The following TCF7 variants were observed in gnomAD, a reference collection of about 807,000 sequenced individuals.
TCF7 encodes the protein T-cell-factor-7.
In TCF7, 19 loss-of-function variants were observed where a neutral mutation model predicts 46.8. The observed-to-expected ratio is 0.41, with a 90% confidence interval of 0.28 to 0.60. The LOEUF (loss-of-function observed/expected upper bound fraction) is 0.60, where lower values mean the gene tolerates loss of function less well. Ranked by LOEUF, TCF7 falls within the 20% of genes least tolerant of loss-of-function variation. TCF7 has a pLI of 0.35. For missense variants in TCF7, 547 were observed against 504.6 expected (o/e 1.08, Z -0.81); for synonymous variants, 245 against 213.4 (o/e 1.15, Z -1.29).
chr5:134,138,781 G>T, intron 4 of TCF7, 170 bp from the exon 5 acceptor site: 1 of 1,085,534 alleles, frequency 9.2e-7, no homozygotes. Flanking sequence ...GTCTGTCAAA[G>T]GGGCACTATT....
rs149228338 is a variant in TCF7 at position 134,147,260 on chromosome 5, G to A, written c.*957G>A. On this transcript the variant is annotated 3_prime_UTR_variant, in exon 10 of 10. Transcript: ENST00000342854. Reference sequence around the variant, plus strand: ...GAAGTGTTCCCTGAGAAACCCACCAGCCTAAGAAGCTCTGGCCCCAGGCTT... The same window carrying A: ...GAAGTGTTCCCTGAGAAACCCACCAACCTAAGAAGCTCTGGCCCCAGGCTT... 1 of 152,202 alleles carries A rather than the reference G, an allele frequency of 6.6e-6. No individual in the cohort carries two copies. The highest frequency in any genetic ancestry group is 2.4e-5 in the African/African-American group (1 of 41,366). 9.4% of individuals were successfully genotyped at this position (152,202 alleles called of 1,614,324 possible). A position where few individuals can be genotyped will look rare whatever the true frequency, so the allele number is the denominator to read the frequency against.
intron 5 of TCF7, 78 bp downstream of exon 5, chr5:134,139,116 C>T: frequency 1.9e-6 from 3 of 1,560,866 alleles, no homozygotes; most frequent in Non-Finnish European, 2.6e-6. Context: ...TTTCCTCCTC[C>T]ATCCCTCTTG....
chr5:134,113,892 C>T (rs962672574), upstream of TCF7, among the ~76,000 whole-genome samples: 5 of 152,204 alleles, frequency 3.3e-5, no homozygotes, highest in Non-Finnish European at 1.5e-5. Context: ...CGACCCATGT[C>T]GGAATCCCGC....
intron 3 of TCF7, among the ~76,000 whole-genome samples, chr5:134,128,876 T>C (rs1287965458): frequency 1.3e-5 from 2 of 152,160 alleles, no homozygotes; most frequent in Non-Finnish European, 2.9e-5. Context: ...TTTTGGTCAT[T>C]TATGACTGAG....
Position 134,115,401 on chromosome 5 carries a change from C to G in TCF7, c.316+14C>G, listed in dbSNP as rs202240983. 16 of 1,592,588 alleles carry G rather than the reference C, an allele frequency of 1.0e-5. No homozygotes were observed. The highest frequency in any genetic ancestry group is 1.4e-5 in the Non-Finnish European group (16 of 1,170,320). The stretch of plus-strand genomic sequence containing the variant: ...CCCTGGAGGACGGTGAGTTTCTGCC[C>G]GGCCCGGCTTCCCTTCGTCGCGCTC... On this transcript the variant is annotated intron_variant, in intron 2 of 9. Coordinates refer to ENST00000342854, the MANE Select transcript of TCF7 (RefSeq NM_003202.5).
intron 3 of TCF7, among the ~76,000 whole-genome samples, chr5:134,124,830 G>A (rs529019688): frequency 6.6e-6 from 1 of 152,158 alleles, no homozygotes; most frequent in South Asian, 2.1e-4. Flanking sequence ...GACTTTGGGG[G>A]TTTACACGGT....
chr5:134,143,294 A>G, intron 8 of TCF7, 194 bp downstream of exon 8: 3 of 754,174 alleles, frequency 4.0e-6, no homozygotes, highest in Non-Finnish European at 7.1e-6. Flanking sequence ...ACTCCAGAAT[A>G]TGCTCACACA....
chr5:134,130,739 T>G (rs1439352970), intron 3 of TCF7, among the ~76,000 whole-genome samples: 1 of 152,192 alleles, frequency 6.6e-6, no homozygotes, highest in African/African-American at 2.4e-5. Context: ...CTAACCTGTA[T>G]GCTGCAGTGA....
intron 9 of TCF7, chr5:134,145,956 T>G (rs533880033): frequency 8.1e-6 from 12 of 1,478,562 alleles, no homozygotes; most frequent in East Asian, 2.5e-5. Context: ...ACAGGAGAGA[T>G]GACTCCCTTG....
At chr5:134,124,333 G>C (rs568942992) in intron 3 of TCF7, among the ~76,000 whole-genome samples, 2 of 152,318 alleles carry the variant, frequency 1.3e-5, no homozygotes, top group East Asian at 3.9e-4. Flanking sequence ...TTCTGCTGCT[G>C]CACACAAGCT....
chr5:134,134,962 T>C (rs1335008445), intron 3 of TCF7, among the ~76,000 whole-genome samples: 1 of 151,954 alleles, frequency 6.6e-6, no homozygotes, highest in Non-Finnish European at 1.5e-5. Context: ...ACGTAGAGCT[T>C]TACTTATTTG....
At chr5:134,111,943 C>A (rs1223212408), upstream of TCF7, among the ~76,000 whole-genome samples, 2 of 152,158 alleles carry the variant, frequency 1.3e-5, no homozygotes, top group Non-Finnish European at 2.9e-5. Flanking sequence ...CCCTATGTCA[C>A]AGGGTTGGTG....
At chr5:134,145,646 G>T in intron 9 of TCF7, 1 of 1,319,398 alleles carries the variant, frequency 7.6e-7, no homozygotes. Context: ...CAAGGGCAAG[G>T]AGGAGTTTGG....
chr5:134,115,300 C>T, intron 1 of TCF7, 21 bp from the exon 2 acceptor site: 6 of 1,555,808 alleles, frequency 3.9e-6, no homozygotes, highest in Non-Finnish European at 5.2e-6. Context: ...GCCCCTCACT[C>T]CCCTCCGGTT....
At chr5:134,128,704 T>A (rs1377308797) in intron 3 of TCF7, among the ~76,000 whole-genome samples, 2 of 151,704 alleles carry the variant, frequency 1.3e-5, no homozygotes, top group African/African-American at 4.8e-5. Context: ...AGCCCCTGCC[T>A]TTCTGGGCCT....
At chr5:134,141,125 G>T (rs10061345) in intron 5 of TCF7, 30,279 of 228,486 alleles carry the variant, frequency 0.13, 3,137 homozygotes, top group African/African-American at 0.32. Flanking sequence ...GGACAGTACA[G>T]GCATATGTGG....
At chr5:134,117,097 A>C (rs1755937370) in intron 3 of TCF7, among the ~76,000 whole-genome samples, 1 of 152,292 alleles carries the variant, frequency 6.6e-6, no homozygotes, top group South Asian at 2.1e-4. Context: ...TCTTTCCAGA[A>C]GCCTAGGCTG....
At chr5:134,115,591 T>C (rs1755690928) in intron 2 of TCF7, 3 of 1,434,702 alleles carry the variant, frequency 2.1e-6, no homozygotes, top group African/African-American at 1.5e-5. Context: ...TTTATAGGAG[T>C]AAACAGACCC....
chr5:134,138,827 G>C (rs756269664), intron 4 of TCF7, 124 bp from the exon 5 acceptor site: 19 of 1,433,466 alleles, frequency 1.3e-5, no homozygotes, highest in Non-Finnish European at 1.6e-5. Context: ...ACTAGTTTAT[G>C]TCTGGTCCTC....
Sources: allele counts gnomAD v4.1 joint callset (sites outside exome capture counted in the v4.1 genomes callset), GRCh38; gene constraint gnomAD v4.1.1; transcripts MANE v1.5; gene names NCBI Gene and HGNC (gene_info 2026-07-23, HGNC 2026-07-21).